Variants in WWOX observed in about 807,000 individuals in gnomAD.
WWOX encodes the protein WW domain-containing oxidoreductase.
A neutral mutation model predicts 46.2 loss-of-function variants in WWOX; 69 were observed. The ratio of observed to expected loss-of-function variants is 1.49; its 90% CI spans 1.23 to 1.82. The LOEUF is 1.82. WWOX is among the 40% of genes most tolerant of loss of function. The pLI is 0.00. For missense variants in WWOX, 919 were observed against 542.6 expected, an observed-to-expected ratio of 1.69 and a Z score of -6.89; for synonymous variants, 359 against 202.6, an observed-to-expected ratio of 1.77 and a Z score of -6.56.
At chr16:78,862,001 G>A (rs916622930) in intron 8 of WWOX, among the ~76,000 whole-genome samples, 1 of 152,124 alleles carries the variant, frequency 6.6e-6, no homozygotes, top group Admixed American at 6.5e-5. Context: ...TACTATATGT[G>A]TGTGTGTATC....
intron 8 of WWOX, among the ~76,000 whole-genome samples, chr16:79,160,888 TATACATATACAC>T (rs1748417591): frequency 3.8e-5 from 1 of 26,574 alleles, no homozygotes; most frequent in South Asian, 3.6e-3. Context: ...TACATACACA[TATACATATACAC>T]ATACAATACA....
intron 8 of WWOX, among the ~76,000 whole-genome samples, chr16:79,022,826 G>A (rs1443498016): frequency 6.6e-6 from 1 of 152,190 alleles, no homozygotes; most frequent in African/African-American, 2.4e-5. Context: ...AACCGAAAGG[G>A]CTCAGCTTCT....
intron 8 of WWOX, among the ~76,000 whole-genome samples, chr16:78,784,260 A>G (rs546082857): frequency 4.3e-4 from 65 of 152,266 alleles, no homozygotes; most frequent in African/African-American, 1.6e-3. Context: ...CTTGGCTTAG[A>G]AGGGATAAGC....
intron 8 of WWOX, among the ~76,000 whole-genome samples, chr16:78,924,328 A>G (rs572745990): frequency 2.6e-5 from 4 of 152,304 alleles, no homozygotes; most frequent in African/African-American, 4.8e-5. Flanking sequence ...GGTTGCTTTT[A>G]AACTTTGTTT....
Position 78,736,569 on chromosome 16 carries a change from C to G in WWOX, c.1056+303817C>G, listed in dbSNP as rs558981594. On this transcript the variant is annotated intron_variant, in intron 8 of 8. Coordinates refer to ENST00000566780, the MANE Select transcript of WWOX (RefSeq NM_016373.4). ...CAATGTTTTCCTTTTCTTCTCTTCT[C>G]TTTCTTTCTTGTTTTGTTTTGTTGT... Among the ~76,000 whole-genome samples the G allele has an allele frequency of 2.0e-5, 3 of 150,128 alleles. No individual in the cohort carries two copies. In the East Asian group the frequency reaches 5.8e-4, roughly 29 times the overall value.
chr16:78,370,342 G>A (rs936431440), intron 5 of WWOX, among the ~76,000 whole-genome samples: 1 of 152,182 alleles, frequency 6.6e-6, no homozygotes, highest in South Asian at 2.1e-4. Flanking sequence ...AGTGTTCTTA[G>A]AGCAGAGTTC....
At chr16:78,871,818 G>T (rs1246903920) in intron 8 of WWOX, among the ~76,000 whole-genome samples, 3 of 152,150 alleles carry the variant, frequency 2.0e-5, no homozygotes, top group Non-Finnish European at 2.9e-5. Flanking sequence ...GGCCAGGCTG[G>T]TCTCAAACTC....
chr16:78,597,317 G>C (rs948444386), intron 8 of WWOX, among the ~76,000 whole-genome samples: 1 of 152,106 alleles, frequency 6.6e-6, no homozygotes, highest in Non-Finnish European at 1.5e-5. Context: ...CACCTACTGT[G>C]TGCCGGGCAC....
intron 8 of WWOX, among the ~76,000 whole-genome samples, chr16:79,148,853 G>C (rs1296129744): frequency 1.3e-5 from 2 of 152,096 alleles, no homozygotes; most frequent in African/African-American, 4.8e-5. Context: ...AGTTTTGTGT[G>C]TTGATCTTGA....
intron 8 of WWOX, among the ~76,000 whole-genome samples, chr16:79,042,258 G>A (rs984349686): frequency 6.6e-6 from 1 of 152,160 alleles, no homozygotes; most frequent in East Asian, 1.9e-4. Flanking sequence ...CCCAAAAGCT[G>A]AGGCTTCCTC....
intron 8 of WWOX, among the ~76,000 whole-genome samples, chr16:78,729,813 T>G (rs1228589216): frequency 1.3e-5 from 2 of 152,168 alleles, no homozygotes; most frequent in African/African-American, 4.8e-5. Context: ...AACCTACAGT[T>G]TTGAGGCCTG....
chr16:78,503,221 C>T (rs1349737628), intron 8 of WWOX, among the ~76,000 whole-genome samples: 2 of 152,102 alleles, frequency 1.3e-5, no homozygotes, highest in African/African-American at 4.8e-5. Context: ...ATGCTGAGAG[C>T]ATGATGGGAA....
At chr16:79,145,290 C>A (rs1350232865) in intron 8 of WWOX, among the ~76,000 whole-genome samples, 1 of 152,120 alleles carries the variant, frequency 6.6e-6, no homozygotes, top group African/African-American at 2.4e-5. Context: ...ATAAAGCCAA[C>A]CAACCAACGA....
At chr16:78,908,083 A>C (rs1191289874) in intron 8 of WWOX, among the ~76,000 whole-genome samples, 1 of 152,206 alleles carries the variant, frequency 6.6e-6, no homozygotes, top group Non-Finnish European at 1.5e-5. Context: ...TTGCAGGATA[A>C]CAAGGCTCTG....
At chr16:78,808,848 G>T (rs746853800) in intron 8 of WWOX, among the ~76,000 whole-genome samples, 1 of 152,124 alleles carries the variant, frequency 6.6e-6, no homozygotes, top group Non-Finnish European at 1.5e-5. Flanking sequence ...CTCTACGGCT[G>T]CCCCTCATTT....
intron 8 of WWOX, among the ~76,000 whole-genome samples, chr16:78,706,490 T>C (rs1271800125): frequency 6.6e-6 from 1 of 152,182 alleles, no homozygotes; most frequent in Non-Finnish European, 1.5e-5. Context: ...CTTCCTCTCC[T>C]CTTTTTGAAG....
At chr16:78,900,520 C>G (rs967329672) in intron 8 of WWOX, among the ~76,000 whole-genome samples, 1 of 152,162 alleles carries the variant, frequency 6.6e-6, no homozygotes, top group East Asian at 1.9e-4. Flanking sequence ...TCCCTATTCA[C>G]ATAAGAATTT....
At chr16:78,744,632 A>G (rs1050880899) in intron 8 of WWOX, among the ~76,000 whole-genome samples, 19 of 151,782 alleles carry the variant, frequency 1.3e-4, no homozygotes, top group Non-Finnish European at 2.6e-4. Context: ...AGGTTTCACC[A>G]TGTTGGCCAG....
chr16:78,594,711 C>T (rs113800927), intron 8 of WWOX, among the ~76,000 whole-genome samples: 3 of 151,970 alleles, frequency 2.0e-5, no homozygotes, highest in African/African-American at 4.8e-5. Flanking sequence ...TCTCCTTTGT[C>T]CCTTTTTATA....
Sources: gnomAD v4.1 joint callset for allele counts (sites outside exome capture counted in the v4.1 genomes callset) on GRCh38, gnomAD v4.1.1 for gene constraint, MANE v1.5 for transcripts, NCBI Gene and HGNC (gene_info 2026-07-23, HGNC 2026-07-21) for gene names.